Variants in ETS1 observed in about 807,000 individuals in gnomAD.
ETS1 encodes the protein ETS proto-oncogene 1, transcription factor, also known as protein C-ets-1.
In ETS1, 15 loss-of-function variants were observed where a neutral mutation model predicts 58.6. That is an observed-to-expected ratio of 0.26 (90% CI 0.17 to 0.39). The LOEUF is 0.39. ETS1 is among the 10% of genes least tolerant of loss of function. The probability of loss-of-function intolerance (pLI) is 1.00; values close to 1 mark genes in which losing one functional copy is unlikely to be tolerated. For synonymous variants in ETS1, 214 were observed against 218.2 expected, an observed-to-expected ratio of 0.98 and a Z score of 0.17; for missense variants, 417 against 610.5, an observed-to-expected ratio of 0.68 and a Z score of 3.34.
At chr11:128,579,479 T>C (rs1864819021) in intron 1 of ETS1, among the ~76,000 whole-genome samples, 1 of 151,766 alleles carries the variant, frequency 6.6e-6, no homozygotes, top group African/African-American at 2.4e-5. Flanking sequence ...CTGACAAACA[T>C]AGTGAAATTC....
rs1555070592 is a variant in ETS1, at chr11:128,460,083, C to CACACACACAA, written c.*2277_*2278insTTGTGTGTGT. ...TTGCATGTCTGCAAACACACACACA[C>CACACACACAA]ACACACACACACACACACACACACA... On this transcript the variant is annotated 3_prime_UTR_variant, in exon 10 of 10. Transcript: ENST00000392668. The CACACACACAA allele has an allele frequency of 7.1e-5, 10 of 141,596 alleles. No individual in the cohort carries two copies. The highest frequency in any genetic ancestry group is 2.3e-4 in the African/African-American group (9 of 39,862). The allele number at this position is 141,596 out of a possible 1,614,324, so 8.8% of individuals were successfully genotyped here.
chr11:128,526,879 C>T (rs1391950092), intron 3 of ETS1: 2 of 455,614 alleles, frequency 4.4e-6, no homozygotes, highest in African/African-American at 2.0e-5. Flanking sequence ...TCCAGCACTC[C>T]TATTTACCAG....
chr11:128,530,270 T>C (rs751554254), intron 3 of ETS1: 1 of 152,272 alleles, frequency 6.6e-6, no homozygotes, highest in African/African-American at 2.4e-5. Flanking sequence ...ATGTAGTGGA[T>C]GGTCCTGCCC....
intron 3 of ETS1, chr11:128,522,231 G>A: frequency 1.7e-6 from 2 of 1,208,786 alleles, no homozygotes; most frequent in Non-Finnish European, 2.1e-6. Context: ...AGCCTCGCCC[G>A]CGCCGCGCCC....
chr11:128,534,408 T>C lies in ETS1; in HGVS notation c.214+21883A>G, dbSNP rs527547575. On this transcript the variant is annotated intron_variant, in intron 3 of 9. Transcript: ENST00000392668. ...AAAATTAGCAATGAAAACAAGAAAA[T>C]TTTTTCCTTTTTTAAGAATATTTTA... 7.9e-5 allele frequency among the ~76,000 whole-genome samples: 12 copies of C among 152,176 alleles called. No homozygotes were observed. In the South Asian group the frequency reaches 1.9e-3, roughly 24 times the overall value.
At chr11:128,499,467 C>T (rs1415078133) in intron 3 of ETS1, among the ~76,000 whole-genome samples, 2 of 152,152 alleles carry the variant, frequency 1.3e-5, no homozygotes, top group Admixed American at 1.3e-4. Context: ...CTGAGGCTCA[C>T]AAATGTTTCT....
At chr11:128,585,274 AG>A (rs1865006635) in intron 1 of ETS1, among the ~76,000 whole-genome samples, 1 of 149,524 alleles carries the variant, frequency 6.7e-6, no homozygotes, top group Non-Finnish European at 1.5e-5. Context: ...GAAAGAAAGA[AG>A]GAAAAGAAAA....
At chr11:128,584,977 A>AGAAAG (rs1555092868) in intron 1 of ETS1, among the ~76,000 whole-genome samples, 399 of 18,408 alleles carry the variant, frequency 0.022, 17 homozygotes, top group African/African-American at 0.032. Flanking sequence ...AAAGAAAGAA[A>AGAAAG]GAAAGAAAGA....
chr11:128,525,319 C>T, intron 3 of ETS1, among the ~76,000 whole-genome samples: 1 of 152,016 alleles, frequency 6.6e-6, no homozygotes, highest in Non-Finnish European at 1.5e-5. Context: ...ATGTAAAAAG[C>T]ATACTTTCTT....
At chr11:128,492,033 A>G (rs779591840) in intron 3 of ETS1, among the ~76,000 whole-genome samples, 1 of 152,252 alleles carries the variant, frequency 6.6e-6, no homozygotes, top group Non-Finnish European at 1.5e-5. Context: ...AAAGTGAATA[A>G]GCAAAGAAAT....
At position 128,464,710 on chromosome 11, in the gene ETS1, C is replaced by A. The variant is rs1027641540; in HGVS notation, c.1124-1083G>T. ...TGCTCACTAAGGCTCTAATTTTTCA[C>A]CGGAGTTGCAAATTTGTCTGATCCA... On this transcript the variant is annotated intron_variant, in intron 8 of 9. Transcript: ENST00000392668. The surrounding 1 kb of genome is among the most constrained non-coding windows in gnomAD (Gnocchi z 4.1). 2.6e-5 allele frequency among the ~76,000 whole-genome samples: 4 copies of A among 152,134 alleles called. No homozygotes were observed.
chr11:128,528,673 A>G (rs1020280228), intron 3 of ETS1, among the ~76,000 whole-genome samples: 2 of 152,216 alleles, frequency 1.3e-5, no homozygotes, highest in Non-Finnish European at 2.9e-5. Flanking sequence ...ACATCCCCGT[A>G]ACATTTTTAC....
At chr11:128,535,683 C>A (rs889257559) in intron 3 of ETS1, among the ~76,000 whole-genome samples, 3 of 152,312 alleles carry the variant, frequency 2.0e-5, no homozygotes, top group African/African-American at 7.2e-5. Context: ...TCACTCACTG[C>A]CTGATGAATC....
intron 3 of ETS1, among the ~76,000 whole-genome samples, chr11:128,538,559 G>A (rs1864004759): frequency 6.6e-6 from 1 of 152,186 alleles, no homozygotes; most frequent in Non-Finnish European, 1.5e-5. Flanking sequence ...CTTTTGGCAA[G>A]TTATTTCAAC....
intron 2 of ETS1, among the ~76,000 whole-genome samples, chr11:128,571,121 T>C (rs896119356): frequency 3.3e-5 from 5 of 152,112 alleles, no homozygotes; most frequent in African/African-American, 1.2e-4. Context: ...TTTTTGGTTT[T>C]TTTTAATGCT....
intron 8 of ETS1, among the ~76,000 whole-genome samples, chr11:128,467,974 G>A (rs1466430722): frequency 1.4e-4 from 22 of 152,092 alleles, no homozygotes; most frequent in South Asian, 2.1e-4. Context: ...CCTCTCAGGC[G>A]GCTGCAGGGG....
intron 2 of ETS1, among the ~76,000 whole-genome samples, chr11:128,563,520 G>A (rs974402755): frequency 6.6e-6 from 1 of 152,004 alleles, no homozygotes; most frequent in African/African-American, 2.4e-5. Context: ...TGAGGAGTTC[G>A]GCCTCCATGA....
At chr11:128,519,484 G>C (rs546092221) in intron 3 of ETS1, among the ~76,000 whole-genome samples, 7 of 152,290 alleles carry the variant, frequency 4.6e-5, no homozygotes, top group Non-Finnish European at 7.4e-5. Context: ...CACAGCTGTG[G>C]ATAAAAAGCT....
intron 7 of ETS1, 141 bp downstream of exon 7, chr11:128,484,682 G>C: frequency 1.4e-6 from 1 of 704,184 alleles, no homozygotes; most frequent in Non-Finnish European, 2.3e-6. Flanking sequence ...TTAGTATCTG[G>C]ACACTCTAAG....
Sources: gnomAD v4.1 joint callset for allele counts (sites outside exome capture counted in the v4.1 genomes callset) on GRCh38, gnomAD v4.1.1 for gene constraint, Gnocchi (gnomAD v3.1) non-coding constraint, MANE v1.5 for transcripts, NCBI Gene and HGNC (gene_info 2026-07-23, HGNC 2026-07-21) for gene names.